The following PDLIM5 variants were observed in gnomAD, a reference collection of about 807,000 sequenced individuals.
PDLIM5 encodes the protein PDZ and LIM domain 5.
A neutral mutation model predicts 64.2 loss-of-function variants in PDLIM5; 34 were observed. The observed-to-expected ratio is 0.53, with a 90% CI of 0.40 to 0.71. The LOEUF (loss-of-function observed/expected upper bound fraction) is 0.71. Among genes scored for constraint, PDLIM5 ranks in the 30% least tolerant of loss-of-function variants. The probability of loss-of-function intolerance (pLI) is 0.00; values close to 1 mark genes in which losing one functional copy is unlikely to be tolerated. For synonymous variants in PDLIM5, 253 were observed against 269.1 expected (o/e 0.94, Z 0.59); for missense variants, 683 against 733.6 (o/e 0.93, Z 0.80).
chr4:94,566,873 G>A (rs540335707), intron 3 of PDLIM5, among the ~76,000 whole-genome samples: 7 of 152,270 alleles, frequency 4.6e-5, no homozygotes, highest in Non-Finnish European at 8.8e-5. Flanking sequence ...AAAGTTTTCC[G>A]GAAGCAGTTA....
At position 94,610,294 on chromosome 4, in the gene PDLIM5, A is replaced by G. The variant is rs1283419505; in HGVS notation, c.921-7710A>G. The G allele has an allele frequency of 5.9e-6, 9 of 1,516,620 alleles. No individual in the cohort carries two copies. The East Asian group carries it at 2.0e-4, about 33-fold the overall frequency. 93.9% of individuals were successfully genotyped at this position (1,516,620 alleles called of 1,614,324 possible). Reference sequence around the variant, plus strand: ...TGCTACTGTGTCTGCTGTTATTGCTACAAAAACCAGGTAGAACTACACGTA... The same window carrying G: ...TGCTACTGTGTCTGCTGTTATTGCTGCAAAAACCAGGTAGAACTACACGTA... On this transcript the variant is annotated intron_variant, in intron 7 of 12. Transcript: ENST00000317968.
intron 3 of PDLIM5, among the ~76,000 whole-genome samples, chr4:94,564,758 C>T (rs954997518): frequency 2.0e-5 from 3 of 148,178 alleles, no homozygotes; most frequent in African/African-American, 7.6e-5. Flanking sequence ...TGGGTTCAAG[C>T]GATTCTCCTG....
At chr4:94,582,504 A>T in intron 5 of PDLIM5, 1 of 500,070 alleles carries the variant, frequency 2.0e-6, no homozygotes, top group African/African-American at 2.0e-5. Context: ...TTTTACTAAC[A>T]TTTGTTCATT....
intron 3 of PDLIM5, among the ~76,000 whole-genome samples, chr4:94,560,124 G>A (rs1733707684): frequency 6.6e-6 from 1 of 152,124 alleles, no homozygotes; most frequent in Admixed American, 6.5e-5. Flanking sequence ...GTAATTCTAG[G>A]TCATGGTGAG....
At position 94,664,897 on chromosome 4, in the gene PDLIM5, T is replaced by G. The variant is rs1742996471; in HGVS notation, c.*830T>G. 6.2e-6 allele frequency: 6 copies of G among 975,438 alleles called. No individual in the cohort carries two copies. Among genetic ancestry groups the G allele is most frequent in the Admixed American group, 6.2e-5 (1 of 16,222 alleles). The allele number at this position is 975,438 out of a possible 1,614,324, so 60.4% of individuals were successfully genotyped here. A position where few individuals can be genotyped will look rare whatever the true frequency, so the allele number is the denominator to read the frequency against. Reference sequence around the variant, plus strand: ...AAAAAAAACTTTGCTTGTATATTATTTTTGCCTTACAGTGGATCATTCTAG... The same window carrying G: ...AAAAAAAACTTTGCTTGTATATTATGTTTGCCTTACAGTGGATCATTCTAG... On this transcript the variant is annotated 3_prime_UTR_variant, in exon 13 of 13. Coordinates refer to ENST00000317968, the MANE Select transcript of PDLIM5 (RefSeq NM_006457.5).
At chr4:94,549,284 C>T (rs901045310) in intron 3 of PDLIM5, among the ~76,000 whole-genome samples, 1 of 152,002 alleles carries the variant, frequency 6.6e-6, no homozygotes, top group Non-Finnish European at 1.5e-5. Flanking sequence ...CCTCTGTACC[C>T]CTTTTTCTCT....
intron 2 of PDLIM5, among the ~76,000 whole-genome samples, chr4:94,497,160 A>T (rs748437905): frequency 1.8e-4 from 28 of 152,198 alleles, no homozygotes; most frequent in Non-Finnish European, 3.7e-4. Flanking sequence ...TCTTTGTCCT[A>T]TGTATTATCT....
chr4:94,496,407 TG>T (rs1188852879), intron 2 of PDLIM5, among the ~76,000 whole-genome samples: 2 of 152,242 alleles, frequency 1.3e-5, no homozygotes, highest in Non-Finnish European at 2.9e-5. Flanking sequence ...TTGAATCATT[TG>T]GGGGCTGCTT....
chr4:94,455,330 G>C lies in PDLIM5; in HGVS notation c.42G>C (p.Trp14Cys). ...TGTCACTGGTTGGCCCAGCTCCTTGGGGTTTCCGGCTGCAGGGCGGTAAGG... is the reference window on the plus strand; with the variant it reads ...TGTCACTGGTTGGCCCAGCTCCTTGCGGTTTCCGGCTGCAGGGCGGTAAGG... ...YSVSLVGPAP[W>C]GFRLQGGKDF... The change falls in exon 2 of 13, where the codon TGG (tryptophan) becomes TGC (cysteine). Residue 14 changes from tryptophan (W) to cysteine (C), a missense_variant. Physicochemically the swap from Trp to Cys is radical, Grantham distance 215. Transcript: ENST00000317968. The C allele has an allele frequency of 6.2e-7, 1 of 1,613,784 alleles. No individual in the cohort carries two copies.
chr4:94,452,398 G>A (rs1033667211), intron 1 of PDLIM5, among the ~76,000 whole-genome samples: 2 of 152,188 alleles, frequency 1.3e-5, no homozygotes, highest in Non-Finnish European at 2.9e-5. Context: ...TGTGGTGTCT[G>A]AGTGCCCAGT....
At chr4:94,648,096 C>G (rs991594053) in intron 9 of PDLIM5, among the ~76,000 whole-genome samples, 1 of 152,018 alleles carries the variant, frequency 6.6e-6, no homozygotes, top group Non-Finnish European at 1.5e-5. Context: ...TTGCCTTCTA[C>G]CTTAAGACTC....
chr4:94,648,526 C>T (rs1196025950), intron 9 of PDLIM5, among the ~76,000 whole-genome samples: 2 of 152,150 alleles, frequency 1.3e-5, no homozygotes, highest in East Asian at 3.9e-4. Flanking sequence ...CCTCGAACTC[C>T]TGGCCTCAAG....
chr4:94,494,720 G>A (rs1188603563), intron 2 of PDLIM5, among the ~76,000 whole-genome samples: 2 of 151,668 alleles, frequency 1.3e-5, no homozygotes, highest in Non-Finnish European at 2.9e-5. Context: ...GATTACAGAT[G>A]TGAGCCACCG....
chr4:94,578,580 C>T (rs919609232), intron 5 of PDLIM5, among the ~76,000 whole-genome samples: 1 of 152,050 alleles, frequency 6.6e-6, no homozygotes, highest in African/African-American at 2.4e-5. Flanking sequence ...CTTTCATTCA[C>T]GATATTTAGA....
intron 2 of PDLIM5, among the ~76,000 whole-genome samples, chr4:94,508,759 A>G (rs562397787): frequency 2.6e-4 from 40 of 152,340 alleles, no homozygotes; most frequent in Middle Eastern, 3.4e-3. Context: ...TTATCATCCT[A>G]TACTGTGCTC....
At chr4:94,461,927 C>T (rs1259518688) in intron 2 of PDLIM5, among the ~76,000 whole-genome samples, 1 of 152,154 alleles carries the variant, frequency 6.6e-6, no homozygotes, top group Non-Finnish European at 1.5e-5. Context: ...TGCAGTGGCG[C>T]GATCTCGGCT....
intron 5 of PDLIM5, chr4:94,582,629 C>A: frequency 2.6e-6 from 2 of 770,266 alleles, no homozygotes; most frequent in South Asian, 1.7e-5. Flanking sequence ...CTTTTCTCCC[C>A]TCTTTGTCTG....
At chr4:94,555,877 G>A (rs1733254401) in intron 3 of PDLIM5, among the ~76,000 whole-genome samples, 2 of 151,084 alleles carry the variant, frequency 1.3e-5, no homozygotes, top group African/African-American at 2.4e-5. Flanking sequence ...ACTTGGGCAA[G>A]TTTATTTATT....
At chr4:94,573,246 C>T in intron 3 of PDLIM5, 105 bp from the exon 4 acceptor site, 1 of 755,830 alleles carries the variant, frequency 1.3e-6, no homozygotes, top group South Asian at 1.7e-5. Context: ...TCCAGTGATT[C>T]AGTATATTAA....
Sources: gnomAD v4.1 joint callset for allele counts (sites outside exome capture counted in the v4.1 genomes callset) on GRCh38, gnomAD v4.1.1 for gene constraint, MANE v1.5 for transcripts, NCBI Gene and HGNC (gene_info 2026-07-23, HGNC 2026-07-21) for gene names.